SAMMSON: variants seen among roughly 807,000 people sequenced by gnomAD.
SAMMSON encodes the protein survival associated mitochondrial melanoma specific oncogenic non-coding RNA.
intron 4 of SAMMSON, among the ~76,000 whole-genome samples, chr3:70,116,292 CTTTT>C (rs57252778): frequency 1.7e-5 from 2 of 118,216 alleles, no homozygotes; most frequent in Admixed American, 8.7e-5. Context: ...GCGATGCTTT[CTTTT>C]TTTTTTTTTT....
intron 7 of SAMMSON, among the ~76,000 whole-genome samples, chr3:70,299,473 CT>C (rs1559557824): frequency 6.6e-6 from 1 of 151,878 alleles, no homozygotes; most frequent in Admixed American, 6.6e-5. Flanking sequence ...GCACATACCC[CT>C]AGAGACATAT....
chr3:70,404,492 C>T (rs1281097478), intron 2 of SAMMSON, among the ~76,000 whole-genome samples: 4 of 152,000 alleles, frequency 2.6e-5, no homozygotes, highest in Admixed American at 6.6e-5. Context: ...TATAATTAAT[C>T]TTCTTGGGAT....
intron 3 of SAMMSON, chr3:70,025,063 A>G (rs2067032196): frequency 6.6e-6 from 1 of 152,162 alleles, no homozygotes; most frequent in African/African-American, 2.4e-5. Flanking sequence ...ACATAGTTAC[A>G]AAGGGCATGT....
intron 4 of SAMMSON, among the ~76,000 whole-genome samples, chr3:70,101,408 C>G (rs1049915596): frequency 2.7e-5 from 4 of 146,122 alleles, no homozygotes; most frequent in Admixed American, 6.7e-5. Flanking sequence ...GAAAAAAAAA[C>G]GTACAAGAAT....
At chr3:70,404,363 C>CATTA (rs1346203099) in intron 2 of SAMMSON, among the ~76,000 whole-genome samples, 1 of 152,098 alleles carries the variant, frequency 6.6e-6, no homozygotes, top group African/African-American at 2.4e-5. Flanking sequence ...CATTAATGGA[C>CATTA]ATTATATTGA....
intron 3 of SAMMSON, among the ~76,000 whole-genome samples, chr3:70,045,793 CAT>C: frequency 6.6e-6 from 1 of 152,176 alleles, no homozygotes; most frequent in East Asian, 1.9e-4. Flanking sequence ...TTTTAATGCA[CAT>C]GTGTTACCTT....
intron 3 of SAMMSON, among the ~76,000 whole-genome samples, chr3:70,041,021 A>G (rs2067104486): frequency 6.6e-6 from 1 of 152,142 alleles, no homozygotes; most frequent in African/African-American, 2.4e-5. Context: ...TACCAGGGGC[A>G]TTTAATTTTC....
At chr3:70,375,918 G>T (rs1234212621) in intron 9 of SAMMSON, among the ~76,000 whole-genome samples, 1 of 151,990 alleles carries the variant, frequency 6.6e-6, no homozygotes, top group African/African-American at 2.4e-5. Flanking sequence ...ACATGTCTCT[G>T]GGTTACATTT....
chr3:70,356,988 G>GT (rs1367343568), intron 8 of SAMMSON, among the ~76,000 whole-genome samples: 16 of 152,158 alleles, frequency 1.1e-4, no homozygotes, highest in African/African-American at 2.9e-4. Context: ...AATGCATACA[G>GT]TAAGTCACCT....
intron 9 of SAMMSON, among the ~76,000 whole-genome samples, chr3:70,371,532 T>G (rs989201919): frequency 6.6e-6 from 1 of 152,094 alleles, no homozygotes; most frequent in African/African-American, 2.4e-5. Context: ...TTTTGTTGTT[T>G]TTGTTTTGTA....
chr3:70,259,494 A>C (rs1701845983), intron 6 of SAMMSON, among the ~76,000 whole-genome samples: 2 of 152,146 alleles, frequency 1.3e-5, no homozygotes, highest in South Asian at 2.1e-4. Flanking sequence ...CTTGAAGGGC[A>C]GGGAGTCTGT....
chr3:70,039,506 C>T (rs922224818), intron 3 of SAMMSON, among the ~76,000 whole-genome samples: 3 of 151,782 alleles, frequency 2.0e-5, no homozygotes, highest in Non-Finnish European at 4.4e-5. Context: ...TCTCCTGGGT[C>T]TCCAGCCAGA....
At chr3:70,314,120 A>G (rs1425982726) in intron 7 of SAMMSON, among the ~76,000 whole-genome samples, 1 of 152,086 alleles carries the variant, frequency 6.6e-6, no homozygotes, top group Non-Finnish European at 1.5e-5. Flanking sequence ...ATCAGTCTCC[A>G]TTCTAATCTT....
At chr3:70,010,858 C>A (rs2066951636) in intron 1 of SAMMSON, among the ~76,000 whole-genome samples, 1 of 152,042 alleles carries the variant, frequency 6.6e-6, no homozygotes, top group Non-Finnish European at 1.5e-5. Flanking sequence ...TGAGTGCAAA[C>A]AGGGGAAATG....
intron 6 of SAMMSON, among the ~76,000 whole-genome samples, chr3:70,286,780 T>G (rs1257966193): frequency 1.3e-5 from 2 of 152,184 alleles, no homozygotes; most frequent in African/African-American, 4.8e-5. Flanking sequence ...TTCACATCCC[T>G]TATAAGTTGG....
intron 7 of SAMMSON, among the ~76,000 whole-genome samples, chr3:70,292,873 T>G (rs781382057): frequency 6.6e-6 from 1 of 151,986 alleles, no homozygotes; most frequent in Admixed American, 6.6e-5. Context: ...ATAGAAATAC[T>G]ATATAATGAA....
intron 4 of SAMMSON, among the ~76,000 whole-genome samples, chr3:70,115,346 T>C (rs2067406427): frequency 6.6e-6 from 1 of 152,072 alleles, no homozygotes; most frequent in East Asian, 1.9e-4. Context: ...TTCACTATAT[T>C]AGGGCTACTT....
chr3:70,355,458 T>A (rs569310217), intron 8 of SAMMSON, among the ~76,000 whole-genome samples: 1 of 151,738 alleles, frequency 6.6e-6, no homozygotes, highest in African/African-American at 2.4e-5. Context: ...AAAAACAGGG[T>A]GTTATTTTTA....
At chr3:70,268,690 C>A (rs1701946912) in intron 6 of SAMMSON, among the ~76,000 whole-genome samples, 1 of 152,076 alleles carries the variant, frequency 6.6e-6, no homozygotes, top group Non-Finnish European at 1.5e-5. Flanking sequence ...GTTTTTGCAG[C>A]TGATTTTTAA....
Sources: allele counts gnomAD v4.1 joint callset (sites outside exome capture counted in the v4.1 genomes callset), GRCh38; gene constraint gnomAD v4.1.1; transcripts MANE v1.5; gene names NCBI Gene and HGNC (gene_info 2026-07-23, HGNC 2026-07-21).